Variants in IFT140 observed in about 807,000 individuals in gnomAD.
IFT140 encodes the protein intraflagellar transport 140, also known as intraflagellar transport protein 140 homolog.
In IFT140, 133 loss-of-function variants were observed where a neutral mutation model predicts 164.6. The observed-to-expected ratio is 0.81, with a 90% CI of 0.70 to 0.93. The LOEUF is 0.93. Ranked by LOEUF, IFT140 falls within the 40% of genes least tolerant of loss-of-function variation. The pLI is 0.00. For missense variants in IFT140, 2,045 were observed against 1,972.3 expected (o/e 1.04, Z -0.70); for synonymous variants, 860 against 817.3 (o/e 1.05, Z -0.89).
At chr16:1,596,200 T>TC (rs1301497427) in intron 4 of IFT140, among the ~76,000 whole-genome samples, 1 of 135,850 alleles carries the variant, frequency 7.4e-6, no homozygotes, top group Admixed American at 7.4e-5. Context: ...GACCCCCCCA[T>TC]CCCCCTCCCA....
chr16:1,607,353 T>C (rs2093079020), intron 2 of IFT140, 56 bp from the exon 3 acceptor site: 5 of 1,382,388 alleles, frequency 3.6e-6, no homozygotes, highest in Non-Finnish European at 4.9e-6. Flanking sequence ...ACAAACAATA[T>C]GACTGTACAT....
Position 1,558,031 on chromosome 16 carries a change from C to T in IFT140, c.2303G>A (p.Cys768Tyr), listed in dbSNP as rs145283562. The change falls in exon 19 of 31, where the codon TGC becomes TAC. Residue 768 changes from cysteine to tyrosine, a missense_variant. By Grantham distance (194) the Cys-to-Tyr change is radical. Coordinates refer to ENST00000426508, the MANE Select transcript of IFT140 (RefSeq NM_014714.4). ...CATGGCGTCCCGGGTGGCCTTGTCG[C>T]AGTCCTCCAGCCCCACAAAGTCTCG... is the stretch of plus-strand genomic sequence containing the variant. The part of the protein sequence containing the change: ...PLRDFVGLED[C>Y]DKATRDAMLH... The T allele has an allele frequency of 1.4e-5, 22 of 1,614,020 alleles. No homozygotes were observed. The highest frequency in any genetic ancestry group is 2.2e-5 in the East Asian group (1 of 44,888).
rs543543180 is a variant in IFT140 at position 1,519,035 on chromosome 16, G to A, written c.4041-678C>T. 3.3e-5 allele frequency among the ~76,000 whole-genome samples: 5 copies of A among 152,222 alleles called. No individual in the cohort carries two copies. In the East Asian group the frequency reaches 5.8e-4, roughly 18 times the overall value. On this transcript the variant is annotated intron_variant, in intron 29 of 30. Transcript: ENST00000426508. ...TTGCCCACCCTGGCCCTCACACGTC[G>A]TCTCCCCTCCACCCACGTCCTGTGC... is the stretch of plus-strand genomic sequence containing the variant.
intron 3 of IFT140, chr16:1,604,274 C>CAT (rs3222244): frequency 7.7e-6 from 1 of 129,812 alleles, no homozygotes; most frequent in Non-Finnish European, 1.6e-5. Flanking sequence ...GCTGCAAGGG[C>CAT]GTGTGTGTGT....
intron 19 of IFT140, among the ~76,000 whole-genome samples, chr16:1,550,633 C>T (rs1044302221): frequency 1.3e-5 from 2 of 152,186 alleles, no homozygotes; most frequent in Non-Finnish European, 2.9e-5. Flanking sequence ...GGAGGCCGGG[C>T]TCAGTTCTGC....
At chr16:1,603,088 TG>T (rs1416607941) in intron 3 of IFT140, among the ~76,000 whole-genome samples, 2 of 152,314 alleles carry the variant, frequency 1.3e-5, no homozygotes, top group East Asian at 1.9e-4. Context: ...TGCCCCTAGC[TG>T]AGCTACCAAA....
chr16:1,606,503 C>T (rs1013876375), intron 3 of IFT140, among the ~76,000 whole-genome samples: 1 of 152,178 alleles, frequency 6.6e-6, no homozygotes, highest in Non-Finnish European at 1.5e-5. Context: ...TTTTGTTGCC[C>T]AGGCTGGAGC....
In IFT140 at chr16:1,518,291, C is replaced by T; in HGVS notation, c.4107G>A (p.Leu1369=). 1 of 1,614,136 alleles carries T rather than the reference C, an allele frequency of 6.2e-7. No homozygotes were observed. Among genetic ancestry groups the T allele is most frequent in the Non-Finnish European group, 8.5e-7 (1 of 1,180,024 alleles). ...CGTCCCCGATGCGGATGGTGCTGTCCAGGTCTGGTTCCTCCAGGAGCAGCT... is the reference window on the plus strand; with the variant it reads ...CGTCCCCGATGCGGATGGTGCTGTCTAGGTCTGGTTCCTCCAGGAGCAGCT... ...QCELLLEEPD[L]DSTIRIGDVY... The change falls in exon 30 of 31, where the codon CTG becomes CTA. Residue 1369 remains leucine (L), a synonymous_variant. Transcript: ENST00000426508.
chr16:1,526,199 G>A, intron 20 of IFT140, 122 bp from the exon 21 acceptor site: 1 of 915,246 alleles, frequency 1.1e-6, no homozygotes, highest in South Asian at 1.7e-5. Flanking sequence ...CTGACACACG[G>A]GGCCGCTGTG....
In IFT140 at chr16:1,533,981, G is replaced by A. The variant is rs1298293818; in HGVS notation, c.2400-7185C>T. The A allele has an allele frequency of 1.5e-5, 7 of 457,970 alleles. No homozygotes were observed. The highest frequency in any genetic ancestry group is 1.9e-5 in the Non-Finnish European group (5 of 259,722). The allele number at this position is 457,970 out of a possible 1,614,324, so 28.4% of individuals were successfully genotyped here. A position where few individuals can be genotyped will look rare whatever the true frequency, so the allele number is the denominator to read the frequency against. The stretch of plus-strand genomic sequence containing the variant: ...CAGGCCGGCCTCCGCTTCCCGGGAA[G>A]ACGGCGCACTCCTGGCCCTGGGTTC... On this transcript the variant is annotated intron_variant, in intron 19 of 30. Coordinates refer to ENST00000426508, the MANE Select transcript of IFT140 (RefSeq NM_014714.4). The surrounding 1 kb of genome is among the most constrained non-coding windows in gnomAD (Gnocchi z 4.7).
chr16:1,526,568 C>T (rs1042590525), intron 20 of IFT140, 51 bp downstream of exon 20: 1 of 1,441,362 alleles, frequency 6.9e-7, no homozygotes, highest in South Asian at 1.4e-5. Flanking sequence ...GGGGCCGTGG[C>T]TGTGGCAGGC....
At chr16:1,565,511 A>G (rs550295150) in intron 16 of IFT140, among the ~76,000 whole-genome samples, 20 of 151,104 alleles carry the variant, frequency 1.3e-4, no homozygotes, top group African/African-American at 4.9e-4. Context: ...TGGAGGAGGG[A>G]AAAAAAAAGA....
chr16:1,548,369 C>T (rs2032347116), intron 19 of IFT140, among the ~76,000 whole-genome samples: 1 of 152,188 alleles, frequency 6.6e-6, no homozygotes, highest in Non-Finnish European at 1.5e-5. Flanking sequence ...GAAGCTGAAG[C>T]CCCAAGAAGC....
chr16:1,539,304 G>A (rs993844601), intron 19 of IFT140, among the ~76,000 whole-genome samples: 7 of 152,062 alleles, frequency 4.6e-5, no homozygotes, highest in Admixed American at 3.3e-4. Flanking sequence ...TGCCAGTGAC[G>A]TCCCATGCCT....
At chr16:1,530,702 G>T (rs981393747) in intron 19 of IFT140, 12 of 151,490 alleles carry the variant, frequency 7.9e-5, no homozygotes, top group Admixed American at 7.9e-4. Flanking sequence ...CCACCCGTGG[G>T]GAGCGGGAGA....
chr16:1,569,348 A>G (rs937878804), intron 14 of IFT140, among the ~76,000 whole-genome samples: 1 of 151,644 alleles, frequency 6.6e-6, no homozygotes, highest in African/African-American at 2.4e-5. Flanking sequence ...CTTCTCCTCT[A>G]TTTATTGACT....
At position 1,602,997 on chromosome 16, in the gene IFT140, C is replaced by T. The variant is rs184969272; in HGVS notation, c.148-406G>A. 3.3e-5 allele frequency among the ~76,000 whole-genome samples: 5 copies of T among 152,260 alleles called. No individual in the cohort carries two copies. The East Asian group carries it at 7.7e-4, about 24-fold the overall frequency. On this transcript the variant is annotated intron_variant, in intron 3 of 30. Coordinates refer to ENST00000426508, the MANE Select transcript of IFT140 (RefSeq NM_014714.4). ...GTGTGATCTGTGGACTCCACATTGG[C>T]GACAAGGTACAAAAGCTATTAAGGC...
chr16:1,525,545 C>G (rs1045154033), intron 21 of IFT140, among the ~76,000 whole-genome samples: 1 of 152,232 alleles, frequency 6.6e-6, no homozygotes, highest in African/African-American at 2.4e-5. Context: ...CCATCCACAC[C>G]CCGGGAACGG....
In IFT140 at chr16:1,524,983, C is replaced by T. The variant is rs1018389243; in HGVS notation, c.2865-67G>A. ...GCTCCAACCCGGGACGGCCCCCACC[C>T]CGCCCCTGTGCCACCCTTAGAGTGC... On this transcript the variant is annotated intron_variant, in intron 22 of 30. Transcript: ENST00000426508. The T allele has an allele frequency of 9.6e-6, 15 of 1,556,422 alleles. No individual in the cohort carries two copies. The African/African-American group carries it at 1.9e-4, about 20-fold the overall frequency.
Sources: allele counts gnomAD v4.1 joint callset (sites outside exome capture counted in the v4.1 genomes callset), GRCh38; gene constraint gnomAD v4.1.1; non-coding constraint Gnocchi (gnomAD v3.1); transcripts MANE v1.5; gene names NCBI Gene and HGNC (gene_info 2026-07-23, HGNC 2026-07-21).